SIK3: variants seen among roughly 807,000 people sequenced by gnomAD.
SIK3 encodes SIK family kinase 3.
SIK3 carries 28 observed loss-of-function variants against 144.2 expected under a neutral mutation model. That is an observed-to-expected ratio of 0.19 (90% confidence interval 0.14 to 0.27). SIK3 has a LOEUF of 0.27. Ranked by LOEUF, SIK3 falls within the 10% of genes least tolerant of loss-of-function variation. SIK3 has a pLI of 1.00. For missense variants in SIK3, 1,319 were observed against 1,776.0 expected (o/e 0.74, Z 4.62); for synonymous variants, 686 against 676.3 (o/e 1.01, Z -0.22).
intron 1 of SIK3, among the ~76,000 whole-genome samples, chr11:117,043,531 G>C (rs1441704685): frequency 2.0e-5 from 3 of 152,138 alleles, no homozygotes; most frequent in African/African-American, 4.8e-5. Context: ...ACCAATTCTA[G>C]ATGACATATT....
At chr11:117,089,047 G>A (rs1235514116) in intron 1 of SIK3, among the ~76,000 whole-genome samples, 2 of 151,938 alleles carry the variant, frequency 1.3e-5, no homozygotes, top group East Asian at 3.9e-4. Context: ...TCAAAGCACT[G>A]TCAGAAAATA....
At chr11:116,900,787 C>G (rs1050965307) in intron 4 of SIK3, among the ~76,000 whole-genome samples, 2 of 152,210 alleles carry the variant, frequency 1.3e-5, no homozygotes, top group African/African-American at 4.8e-5. Flanking sequence ...GCTTCCTCCT[C>G]CGTGCTTCCA....
intron 4 of SIK3, among the ~76,000 whole-genome samples, chr11:116,916,659 T>C (rs1242075496): frequency 6.6e-6 from 1 of 151,692 alleles, no homozygotes; most frequent in African/African-American, 2.4e-5. Context: ...TACAGGTGCC[T>C]GCCACCACGC....
intron 1 of SIK3, among the ~76,000 whole-genome samples, chr11:116,961,103 T>C (rs1402227098): frequency 4.6e-5 from 7 of 152,150 alleles, no homozygotes; most frequent in South Asian, 2.1e-4. Flanking sequence ...CAGTGAGCCA[T>C]AGGATGGAAC....
At chr11:117,022,319 T>C (rs995916833) in intron 1 of SIK3, among the ~76,000 whole-genome samples, 18 of 152,324 alleles carry the variant, frequency 1.2e-4, no homozygotes, top group African/African-American at 3.4e-4. Flanking sequence ...ATGCATTTCC[T>C]GGTATATAAA....
chr11:117,000,607 T>A (rs187127528), intron 1 of SIK3, among the ~76,000 whole-genome samples: 2 of 152,312 alleles, frequency 1.3e-5, no homozygotes, highest in East Asian at 3.9e-4. Flanking sequence ...CCCATCAAAT[T>A]ATAACTGATT....
chr11:116,911,923 G>A (rs1946368696), intron 4 of SIK3, among the ~76,000 whole-genome samples: 1 of 152,158 alleles, frequency 6.6e-6, no homozygotes, highest in South Asian at 2.1e-4. Flanking sequence ...ATTCTAAAGA[G>A]TTACGGAAGA....
intron 1 of SIK3, among the ~76,000 whole-genome samples, chr11:117,084,193 G>T (rs565354980): frequency 6.4e-4 from 97 of 152,186 alleles, no homozygotes; most frequent in African/African-American, 2.1e-3. Flanking sequence ...ATGCAAACTG[G>T]CCCCAACTAA....
intron 14 of SIK3, 182 bp downstream of exon 14, chr11:116,870,149 C>T (rs1943889807): frequency 5.9e-6 from 9 of 1,532,482 alleles, no homozygotes; most frequent in Non-Finnish European, 7.9e-6. Flanking sequence ...ACAGAAATGA[C>T]ATTTTCTGGG....
In SIK3 at chr11:116,858,027, G is replaced by T; in HGVS notation, c.3438C>A (p.Asp1146Glu). The T allele has an allele frequency of 6.2e-7, 1 of 1,613,982 alleles. No individual in the cohort carries two copies. The highest frequency in any genetic ancestry group is 8.5e-7 in the Non-Finnish European group (1 of 1,179,906). ...ALMHSESMEEDCSCEGAKDGF... is the reference protein window; with the variant it reads ...ALMHSESMEEECSCEGAKDGF... ...CATCCTTGGCCCCCTCACACGAGCA[G>T]TCCTCCTCCATGCTCTCTGAATGCA... is the stretch of plus-strand genomic sequence containing the variant. The change falls in exon 21 of 25, where the codon GAC becomes GAA. Residue 1146 changes from aspartate to glutamate, a missense_variant. Asp to Glu is a conservative substitution (Grantham distance 45, BLOSUM62 2). This residue lies in a region of SIK3 where 646 missense variants were observed against 763.7 expected (regional missense o/e 0.85). Coordinates refer to ENST00000445177, the MANE Select transcript of SIK3 (RefSeq NM_001366686.3). This position sits in a 1 kb window ranked among gnomAD's most constrained non-coding sequence, Gnocchi z 5.4.
At chr11:116,854,817 A>G (rs1942745146) in intron 21 of SIK3, among the ~76,000 whole-genome samples, 4 of 151,992 alleles carry the variant, frequency 2.6e-5, no homozygotes, top group African/African-American at 9.7e-5. Context: ...AAAGCCAGGC[A>G]TGGTGGCTCA....
intron 1 of SIK3, among the ~76,000 whole-genome samples, chr11:116,978,147 G>A (rs928663205): frequency 6.6e-6 from 1 of 152,106 alleles, no homozygotes; most frequent in East Asian, 1.9e-4. Flanking sequence ...GAACCGGGGA[G>A]GCGGAGGTTG....
At chr11:116,979,370 G>A (rs1950062692) in intron 1 of SIK3, among the ~76,000 whole-genome samples, 1 of 151,274 alleles carries the variant, frequency 6.6e-6, no homozygotes, top group African/African-American at 2.4e-5. Flanking sequence ...TATTTGAGGA[G>A]TTCTTTTATA....
chr11:116,980,783 C>T (rs867400891), intron 1 of SIK3, among the ~76,000 whole-genome samples: 2 of 151,514 alleles, frequency 1.3e-5, no homozygotes, highest in African/African-American at 4.9e-5. Context: ...ACCTAGGAGG[C>T]GGAGGCTGCA....
At chr11:117,063,266 C>G (rs1309283538) in intron 1 of SIK3, among the ~76,000 whole-genome samples, 1 of 152,190 alleles carries the variant, frequency 6.6e-6, no homozygotes, top group East Asian at 1.9e-4. Flanking sequence ...ACCCACGTCT[C>G]AGAAGCTATG....
intron 1 of SIK3, among the ~76,000 whole-genome samples, chr11:116,965,333 C>T (rs913005116): frequency 6.6e-6 from 1 of 151,734 alleles, no homozygotes; most frequent in African/African-American, 2.4e-5. Flanking sequence ...GTTAAATCAA[C>T]TCTTGTCCTA....
chr11:116,866,928 G>A (rs767577258), intron 15 of SIK3, among the ~76,000 whole-genome samples: 15 of 152,104 alleles, frequency 9.9e-5, no homozygotes, highest in Non-Finnish European at 1.8e-4. Flanking sequence ...GGGTTCCAAC[G>A]TGGCACTAAT....
chr11:116,848,895 A>G lies in SIK3; in HGVS notation c.3819+225T>C, dbSNP rs143186980. Among the ~76,000 whole-genome samples, 1,045 of 152,296 alleles carry G rather than the reference A, an allele frequency of 6.9e-3. 7 individuals carry two copies. The highest frequency in any genetic ancestry group is 0.013 in the East Asian group (66 of 5,184). Reference sequence around the variant, plus strand: ...CAAAAGTCACTTGAACTGGGGAGGTAGAAGTTGCAGTGAGCTGATATCGCG... The same window carrying G: ...CAAAAGTCACTTGAACTGGGGAGGTGGAAGTTGCAGTGAGCTGATATCGCG... On this transcript the variant is annotated intron_variant, in intron 22 of 24. Transcript: ENST00000445177.
At chr11:116,902,626 G>A (rs537084186) in intron 4 of SIK3, among the ~76,000 whole-genome samples, 1 of 152,290 alleles carries the variant, frequency 6.6e-6, no homozygotes, top group Admixed American at 6.5e-5. Context: ...ATTTCTGTAA[G>A]ATTCAACAAC....
Sources: allele counts gnomAD v4.1 joint callset (sites outside exome capture counted in the v4.1 genomes callset), GRCh38; gene constraint gnomAD v4.1.1; regional missense constraint gnomAD v4.1.1; non-coding constraint Gnocchi (gnomAD v3.1); transcripts MANE v1.5; gene names NCBI Gene and HGNC (gene_info 2026-07-23, HGNC 2026-07-21).